Variants in CNTNAP3B observed in about 807,000 individuals in gnomAD.
CNTNAP3B encodes contactin-associated protein-like 3B.
Under a neutral mutation model 108.9 loss-of-function variants are expected in CNTNAP3B, and 25 were observed. The ratio of observed to expected loss-of-function variants is 0.23; its 90% CI spans 0.17 to 0.32. CNTNAP3B has a LOEUF of 0.32. Ranked by LOEUF, CNTNAP3B falls within the 10% of genes least tolerant of loss-of-function variation. CNTNAP3B has a pLI of 1.00. For synonymous variants in CNTNAP3B, 103 were observed against 473.4 expected (o/e 0.22, Z 10.16); for missense variants, 252 against 1,210.4 (o/e 0.21, Z 11.75).
chr9:42,051,835 G>T (rs1826969204), intron 3 of CNTNAP3B, among the ~76,000 whole-genome samples: 1 of 152,100 alleles, frequency 6.6e-6, no homozygotes, highest in Non-Finnish European at 1.5e-5. Context: ...ACAATAAATA[G>T]AAGCCGTTCC....
At chr9:41,958,725 CAA>C (rs1473590096) in intron 12 of CNTNAP3B, among the ~76,000 whole-genome samples, 1 of 151,604 alleles carries the variant, frequency 6.6e-6, no homozygotes, top group African/African-American at 2.4e-5. Context: ...CAAAACAAAA[CAA>C]AAGAAAACAA....
In CNTNAP3B at chr9:42,095,409, G is replaced by A. The variant is rs549273902; in HGVS notation, c.196+9220C>T. 3.3e-3 allele frequency among the ~76,000 whole-genome samples: 462 copies of A among 139,130 alleles called. 90 individuals carry two copies. The highest frequency in any genetic ancestry group is 0.01 in the Admixed American group (147 of 14,046). 91.3% of individuals were successfully genotyped at this position (139,130 alleles called of 152,430 possible). A position where few individuals can be genotyped will look rare whatever the true frequency, so the allele number is the denominator to read the frequency against. On this transcript the variant is annotated intron_variant, in intron 2 of 23. Coordinates refer to ENST00000377561, the MANE Select transcript of CNTNAP3B (RefSeq NM_001201380.3). Reference sequence around the variant, plus strand: ...GTACTTGGCTCTAGTAAGTACAAGCGTGGGGAAAATGTAAAACTCTTTTGG... The same window carrying A: ...GTACTTGGCTCTAGTAAGTACAAGCATGGGGAAAATGTAAAACTCTTTTGG...
At chr9:41,931,182 T>TAA (rs1220865294) in intron 14 of CNTNAP3B, among the ~76,000 whole-genome samples, 1 of 152,252 alleles carries the variant, frequency 6.6e-6, no homozygotes, top group Non-Finnish European at 1.5e-5. Flanking sequence ...CTTTCTGAAT[T>TAA]AAAAAAAATT....
At chr9:42,128,351 A>C (rs2118766701) in intron 1 of CNTNAP3B, among the ~76,000 whole-genome samples, 1 of 137,740 alleles carries the variant, frequency 7.3e-6, no homozygotes, top group Admixed American at 7.2e-5. Flanking sequence ...ATAATGTAAA[A>C]TATTAGCATC....
In CNTNAP3B at chr9:41,996,314, G is replaced by A; in HGVS notation, c.962C>T (p.Ser321Leu). 6.5e-7 allele frequency: 1 copy of A among 1,541,738 alleles called. No individual in the cohort carries two copies. The highest frequency in any genetic ancestry group is 2.4e-5 in the East Asian group (1 of 41,684). ...AAAGCTTTTACGTGTGAATGCCCGT[G>A]ATCTTCCGGGTGACAGAATTCCCCC... ...SFGGILSPGRSRAFTRKSFHG... is the reference protein window; with the variant it reads ...SFGGILSPGRLRAFTRKSFHG... Residue 321 changes from serine (S) to leucine (L), a missense_variant, in exon 7 of 24, where the codon TCA becomes TTA. Ser to Leu is a moderately radical substitution (Grantham distance 145). Transcript: ENST00000377561.
rs1318170933 is a variant in CNTNAP3B, at chr9:42,077,609, G to A, written c.197-547C>T. The stretch of plus-strand genomic sequence containing the variant: ...AAGTACAGAGGAGAGTGATGGTTAC[G>A]AGGAACTGGGGTGTGGAGGAGATAT... On this transcript the variant is annotated intron_variant, in intron 2 of 23. Transcript: ENST00000377561. Among the ~76,000 whole-genome samples the A allele has an allele frequency of 6.9e-4, 92 of 133,252 alleles. 21 individuals carry two copies. The highest frequency in any genetic ancestry group is 1.8e-3 in the African/African-American group (60 of 33,178). 87.4% of individuals were successfully genotyped at this position (133,252 alleles called of 152,430 possible). A position where few individuals can be genotyped will look rare whatever the true frequency, so the allele number is the denominator to read the frequency against.
intron 2 of CNTNAP3B, among the ~76,000 whole-genome samples, chr9:42,100,021 A>G (rs1827990328): frequency 2.0e-5 from 1 of 49,346 alleles, no homozygotes; most frequent in Non-Finnish European, 4.3e-5. Context: ...GGGATATAAT[A>G]AGACAGTGAC....
chr9:42,024,617 A>G (rs1470425649), intron 3 of CNTNAP3B, among the ~76,000 whole-genome samples: 1 of 127,602 alleles, frequency 7.8e-6, no homozygotes, highest in Non-Finnish European at 1.7e-5. Context: ...CCAAAACATT[A>G]AAACAAAAAA....
At chr9:41,952,630 T>C (rs1824724214) in intron 13 of CNTNAP3B, among the ~76,000 whole-genome samples, 1 of 151,368 alleles carries the variant, frequency 6.6e-6, no homozygotes, top group East Asian at 1.9e-4. Context: ...GATTAAGGTA[T>C]ACATTTCTCA....
At chr9:41,966,423 A>T (rs1825276674) in intron 10 of CNTNAP3B, among the ~76,000 whole-genome samples, 1 of 152,292 alleles carries the variant, frequency 6.6e-6, no homozygotes, top group Non-Finnish European at 1.5e-5. Context: ...AAAAATTTAC[A>T]TGTAGTACAA....
chr9:42,087,398 G>C (rs1322380202), intron 2 of CNTNAP3B, among the ~76,000 whole-genome samples: 1 of 126,502 alleles, frequency 7.9e-6, no homozygotes, highest in African/African-American at 3.1e-5. Flanking sequence ...ACCTTGAGAG[G>C]TGAGGTTACA....
chr9:41,934,112 T>TACACAC (rs1554739001), intron 14 of CNTNAP3B, among the ~76,000 whole-genome samples: 1 of 126,348 alleles, frequency 7.9e-6, no homozygotes, highest in Admixed American at 8.4e-5. Context: ...TATATATATA[T>TACACAC]ATATATATAT....
chr9:41,966,172 T>C (rs1184726281), intron 10 of CNTNAP3B, among the ~76,000 whole-genome samples: 29 of 152,158 alleles, frequency 1.9e-4, no homozygotes, highest in African/African-American at 6.7e-4. Context: ...CTGTTCCTCT[T>C]CCCCCACATC....
chr9:41,990,595 A>G (rs1413112544), intron 8 of CNTNAP3B, among the ~76,000 whole-genome samples: 1 of 131,040 alleles, frequency 7.6e-6, no homozygotes, highest in Non-Finnish European at 1.6e-5. Context: ...TCTTTTTTTG[A>G]GTATGATATC....
intron 13 of CNTNAP3B, among the ~76,000 whole-genome samples, chr9:41,945,774 TAA>T (rs1187079824): frequency 5.3e-4 from 80 of 152,298 alleles, no homozygotes; most frequent in South Asian, 1.7e-3. Context: ...AATAATAAAA[TAA>T]AAGACTGAGA....
intron 14 of CNTNAP3B, among the ~76,000 whole-genome samples, chr9:41,935,523 C>A (rs1338500478): frequency 2.0e-5 from 3 of 152,296 alleles, no homozygotes; most frequent in Admixed American, 6.5e-5. Flanking sequence ...AATTATAAAT[C>A]TTTTCATTTC....
chr9:41,945,548 T>C (rs1355287998), intron 13 of CNTNAP3B, among the ~76,000 whole-genome samples: 1 of 152,308 alleles, frequency 6.6e-6, no homozygotes, highest in Non-Finnish European at 1.5e-5. Context: ...TTCTCACTCA[T>C]AGGTGGGAAT....
At chr9:42,042,067 C>T (rs1826771418) in intron 3 of CNTNAP3B, among the ~76,000 whole-genome samples, 1 of 139,166 alleles carries the variant, frequency 7.2e-6, no homozygotes, top group Non-Finnish European at 1.5e-5. Context: ...TGGGGAACAT[C>T]ACACACTGGG....
chr9:42,018,547 G>C (rs1344250992), intron 3 of CNTNAP3B, among the ~76,000 whole-genome samples: 4 of 149,766 alleles, frequency 2.7e-5, no homozygotes, highest in Admixed American at 6.6e-5. Context: ...AGCCTCCTCT[G>C]TTCTCAGGAT....
Sources: gnomAD v4.1 joint callset for allele counts (sites outside exome capture counted in the v4.1 genomes callset) on GRCh38, gnomAD v4.1.1 for gene constraint, MANE v1.5 for transcripts, NCBI Gene and HGNC (gene_info 2026-07-23, HGNC 2026-07-21) for gene names.